The following SKAP1 variants were observed in gnomAD, a reference collection of about 807,000 sequenced individuals.
SKAP1 encodes the protein src kinase associated phosphoprotein 1, also known as src kinase-associated phosphoprotein 1.
SKAP1 carries 44 observed loss-of-function variants against 58.5 expected under a neutral mutation model. The ratio of observed to expected loss-of-function variants is 0.75; its 90% CI spans 0.59 to 0.97. The LOEUF is 0.97. Among genes scored for constraint, SKAP1 ranks in the 50% least tolerant of loss-of-function variants. SKAP1 has a pLI of 0.00. For synonymous variants in SKAP1, 127 were observed against 149.7 expected (o/e 0.85, Z 1.11); for missense variants, 390 against 435.2 (o/e 0.90, Z 0.92).
At chr17:48,258,280 C>T (rs1365870695) in intron 4 of SKAP1, among the ~76,000 whole-genome samples, 1 of 152,048 alleles carries the variant, frequency 6.6e-6, no homozygotes, top group African/African-American at 2.4e-5. Context: ...AGAGAAGATA[C>T]AAAATATAAA....
chr17:48,330,824 G>GAA (rs576009056), intron 4 of SKAP1, among the ~76,000 whole-genome samples: 14 of 145,000 alleles, frequency 9.7e-5, no homozygotes, highest in Non-Finnish European at 1.2e-4. Flanking sequence ...CCAGGGGGCG[G>GAA]AAAAAAAAAA....
intron 4 of SKAP1, among the ~76,000 whole-genome samples, chr17:48,205,058 TTC>T (rs2064791919): frequency 5.2e-5 from 6 of 116,322 alleles, no homozygotes; most frequent in African/African-American, 1.7e-4. Flanking sequence ...TCTTTCTTTC[TTC>T]TTTCTCTCTC....
At chr17:48,277,943 C>A (rs35513747) in intron 4 of SKAP1, among the ~76,000 whole-genome samples, 4,423 of 152,222 alleles carry the variant, frequency 0.029, 243 homozygotes, top group African/African-American at 0.1. Flanking sequence ...ATGGTTATTA[C>A]ATAAGTAATC....
intron 11 of SKAP1, among the ~76,000 whole-genome samples, chr17:48,149,525 G>A (rs192603541): frequency 2.2e-4 from 34 of 152,280 alleles, no homozygotes; most frequent in Non-Finnish European, 4.3e-4. Flanking sequence ...ACAGCCTGTC[G>A]GTGTGTTACA....
chr17:48,390,906 C>A (rs868027426), intron 2 of SKAP1, among the ~76,000 whole-genome samples: 23 of 152,220 alleles, frequency 1.5e-4, no homozygotes, highest in Middle Eastern at 3.4e-3. Context: ...GAAACCCCGT[C>A]TTCACTAAAA....
chr17:48,222,053 A>G (rs1440567220), intron 4 of SKAP1, among the ~76,000 whole-genome samples: 1 of 152,190 alleles, frequency 6.6e-6, no homozygotes, highest in Non-Finnish European at 1.5e-5. Context: ...AACCACAACA[A>G]TGGTGGTTGG....
intron 4 of SKAP1, among the ~76,000 whole-genome samples, chr17:48,293,835 G>C (rs905792535): frequency 6.6e-6 from 1 of 152,182 alleles, no homozygotes; most frequent in African/African-American, 2.4e-5. Context: ...CAGCAGCATT[G>C]CTGCCGGGTA....
chr17:48,195,497 A>G (rs2064614453), intron 4 of SKAP1, among the ~76,000 whole-genome samples: 2 of 152,248 alleles, frequency 1.3e-5, no homozygotes, highest in African/African-American at 4.8e-5. Context: ...GAAAAATTCT[A>G]AAACATTAGT....
intron 4 of SKAP1, among the ~76,000 whole-genome samples, chr17:48,204,973 T>TTTTCTTTTCTTTTCTTTTCTTTC: frequency 1.3e-5 from 1 of 77,324 alleles, no homozygotes; most frequent in Admixed American, 1.4e-4. Flanking sequence ...TTTTCTTTTC[T>TTTTCTTTTCTTTTCTTTTCTTTC]TTTCTTTCTT....
At chr17:48,260,729 C>T (rs757765394) in intron 4 of SKAP1, among the ~76,000 whole-genome samples, 23 of 152,010 alleles carry the variant, frequency 1.5e-4, no homozygotes, top group African/African-American at 3.4e-4. Flanking sequence ...GGAATCACCA[C>T]GTGAAAAGAA....
At chr17:48,317,765 C>T (rs1467620594) in intron 4 of SKAP1, among the ~76,000 whole-genome samples, 3 of 152,036 alleles carry the variant, frequency 2.0e-5, no homozygotes, top group Non-Finnish European at 4.4e-5. Context: ...GTGTTTTATG[C>T]TTATCAATGG....
intron 4 of SKAP1, among the ~76,000 whole-genome samples, chr17:48,234,047 T>G (rs967827736): frequency 6.6e-6 from 1 of 152,224 alleles, no homozygotes; most frequent in Non-Finnish European, 1.5e-5. Context: ...CTCAAGTGCA[T>G]TTAGATAATT....
chr17:48,149,225 A>G (rs1264809581), intron 11 of SKAP1, among the ~76,000 whole-genome samples: 1 of 152,162 alleles, frequency 6.6e-6, no homozygotes, highest in Non-Finnish European at 1.5e-5. Flanking sequence ...TTTTAATTTT[A>G]GCTTAAAACC....
chr17:48,138,469 A>G (rs2063729199), intron 11 of SKAP1, among the ~76,000 whole-genome samples: 1 of 151,510 alleles, frequency 6.6e-6, no homozygotes, highest in African/African-American at 2.4e-5. Flanking sequence ...TCCCAGGTTC[A>G]AGCGATTCTC....
At chr17:48,289,646 A>C (rs1352262521) in intron 4 of SKAP1, among the ~76,000 whole-genome samples, 1 of 152,142 alleles carries the variant, frequency 6.6e-6, no homozygotes, top group Non-Finnish European at 1.5e-5. Flanking sequence ...AGTTCATTAC[A>C]GAAAAAAATG....
chr17:48,338,333 G>A (rs1259756223), intron 4 of SKAP1, among the ~76,000 whole-genome samples: 4 of 151,950 alleles, frequency 2.6e-5, no homozygotes, highest in Non-Finnish European at 4.4e-5. Context: ...CATATTTTTA[G>A]TAGAGATGGG....
intron 4 of SKAP1, among the ~76,000 whole-genome samples, chr17:48,239,982 A>G (rs2065228099): frequency 2.0e-5 from 3 of 152,218 alleles, no homozygotes; most frequent in Non-Finnish European, 4.4e-5. Context: ...AAGAAGGTAG[A>G]TGTTAAAGAC....
chr17:48,199,284 C>G (rs553253483), intron 4 of SKAP1, among the ~76,000 whole-genome samples: 34 of 152,282 alleles, frequency 2.2e-4, no homozygotes, highest in African/African-American at 8.2e-4. Context: ...CTCAAACTCT[C>G]CAGCATACAA....
intron 1 of SKAP1, among the ~76,000 whole-genome samples, chr17:48,424,930 CAAAAAAAAAAAA>C (rs11430293): frequency 1.2e-5 from 1 of 84,442 alleles, no homozygotes; most frequent in Non-Finnish European, 2.5e-5. Flanking sequence ...GACTCTGTCT[CAAAAAAAAAAAA>C]AAGAAAAAGA....
Sources: gnomAD v4.1 joint callset for allele counts (sites outside exome capture counted in the v4.1 genomes callset) on GRCh38, gnomAD v4.1.1 for gene constraint, MANE v1.5 for transcripts, NCBI Gene and HGNC (gene_info 2026-07-23, HGNC 2026-07-21) for gene names.